Variants in DUS2 observed in about 807,000 individuals in gnomAD.
The protein encoded by DUS2 is tRNA-dihydrouridine(20) synthase [NAD(P)+]-like.
Under a neutral mutation model 71.3 loss-of-function variants are expected in DUS2, and 52 were observed. The observed-to-expected ratio is 0.73, with a 90% CI of 0.58 to 0.92. The LOEUF (loss-of-function observed/expected upper bound fraction) is 0.92. Among genes scored for constraint, DUS2 ranks in the 40% least tolerant of loss-of-function variants. The pLI is 0.00. For synonymous variants in DUS2, 204 were observed against 227.8 expected (o/e 0.90, Z 0.94); for missense variants, 558 against 622.6 (o/e 0.90, Z 1.10).
intron 2 of DUS2, among the ~76,000 whole-genome samples, chr16:68,027,860 G>C (rs76836953): frequency 0.13 from 19,357 of 151,532 alleles, 1,380 homozygotes; most frequent in South Asian, 0.19. Context: ...CCCCTGGGCA[G>C]GGACAGCTTG....
At chr16:68,046,184 C>A (rs1598305519) in intron 3 of DUS2, among the ~76,000 whole-genome samples, 1 of 152,204 alleles carries the variant, frequency 6.6e-6, no homozygotes, top group East Asian at 1.9e-4. Flanking sequence ...TCTTTTTTAG[C>A]CCTTGCCTCC....
At chr16:68,030,949 G>T (rs1338596758) in intron 2 of DUS2, among the ~76,000 whole-genome samples, 2 of 151,986 alleles carry the variant, frequency 1.3e-5, no homozygotes, top group Non-Finnish European at 2.9e-5. Flanking sequence ...TTGCTATGTT[G>T]CCCAGGCTGG....
In DUS2 at chr16:68,061,126, C is replaced by T. The variant is rs142644508; in HGVS notation, c.417+13C>T. The T allele has an allele frequency of 2.2e-5, 35 of 1,613,852 alleles. No individual in the cohort carries two copies. The highest frequency in any genetic ancestry group is 8.9e-5 in the East Asian group (4 of 44,880). On this transcript the variant is annotated intron_variant, in intron 8 of 16. Coordinates refer to ENST00000565263, the MANE Select transcript of DUS2 (RefSeq NM_017803.5). The stretch of plus-strand genomic sequence containing the variant: ...CAAGATTGAGAAGGTAAGTCCTCCA[C>T]GAGTGAAAGCAGGGGTCCTCAAACA...
Position 68,070,996 on chromosome 16 carries a change from C to T in DUS2, c.698C>T (p.Ala233Val), listed in dbSNP as rs1372896892. 5.0e-6 allele frequency: 8 copies of T among 1,614,216 alleles called. No homozygotes were observed. The South Asian group carries it at 5.5e-5, about 11-fold the overall frequency. Residue 233 changes from alanine (A) to valine (V), a missense_variant, in exon 12 of 17, where the codon GCC (alanine) becomes GTC (valine). By Grantham distance (64) the Ala-to-Val change is moderately conservative. Transcript: ENST00000565263. ...QYSDIEDFRQ[A>V]TAASSVMVAR... ...TCGGACATAGAGGACTTTCGACAAG[C>T]CACGGCAGCCTCTTCCGTGATGGTG...
At chr16:68,075,253 T>C in intron 13 of DUS2, 102 bp from the exon 14 acceptor site, 1 of 1,163,614 alleles carries the variant, frequency 8.6e-7, no homozygotes. Context: ...TTTTGGTGTA[T>C]GTGGTAGAGG....
At chr16:68,054,767 A>G (rs1171814521) in intron 6 of DUS2, 150 bp downstream of exon 6, 9 of 944,204 alleles carry the variant, frequency 9.5e-6, no homozygotes, top group Non-Finnish European at 1.3e-5. Flanking sequence ...GTTTCCAGCC[A>G]GGTGCGGTGG....
chr16:68,072,956 A>G (rs942219891), intron 12 of DUS2, among the ~76,000 whole-genome samples: 1 of 152,246 alleles, frequency 6.6e-6, no homozygotes, highest in Non-Finnish European at 1.5e-5. Flanking sequence ...CGTAGGGGGA[A>G]GTTAGAGGCT....
intron 12 of DUS2, among the ~76,000 whole-genome samples, chr16:68,073,696 G>A (rs1338511558): frequency 1.3e-5 from 2 of 152,070 alleles, no homozygotes; most frequent in African/African-American, 4.8e-5. Flanking sequence ...TGATCCGCCC[G>A]CCTTGGCCTC....
chr16:68,045,195 T>C (rs1567473290), intron 3 of DUS2, among the ~76,000 whole-genome samples: 1 of 152,346 alleles, frequency 6.6e-6, no homozygotes, highest in East Asian at 1.9e-4. Context: ...GTATTGATCT[T>C]GTGTCCTTGA....
chr16:68,038,388 G>T (rs762131338), intron 3 of DUS2, among the ~76,000 whole-genome samples: 15 of 152,126 alleles, frequency 9.9e-5, no homozygotes, highest in Non-Finnish European at 1.9e-4. Flanking sequence ...GGATAGATAA[G>T]TCGCCTGACA....
In DUS2 at chr16:68,027,396, A is replaced by C. The variant is rs549847533; in HGVS notation, c.-19+1902A>C. Among the ~76,000 whole-genome samples, 173 of 152,106 alleles carry C rather than the reference A, an allele frequency of 1.1e-3. 1 individual carries two copies. The highest frequency in any genetic ancestry group is 1.5e-3 in the Admixed American group (23 of 15,270). On this transcript the variant is annotated intron_variant, in intron 2 of 16. Coordinates refer to ENST00000565263, the MANE Select transcript of DUS2 (RefSeq NM_017803.5). Reference sequence around the variant, plus strand: ...TGGGATTACAGGCATGCGCCACCACACCCGGCTAATTTTGTATTTTTAGTA... The same window carrying C: ...TGGGATTACAGGCATGCGCCACCACCCCCGGCTAATTTTGTATTTTTAGTA...
At chr16:68,026,301 T>A (rs1328639493) in intron 2 of DUS2, among the ~76,000 whole-genome samples, 1 of 152,108 alleles carries the variant, frequency 6.6e-6, no homozygotes, top group African/African-American at 2.4e-5. Flanking sequence ...GAGAAATTGG[T>A]ATTTTTAGAA....
chr16:68,074,142 T>C lies in DUS2; in HGVS notation c.919T>C (p.Ser307Pro). The C allele has an allele frequency of 6.2e-7, 1 of 1,614,052 alleles. No individual in the cohort carries two copies. Among genetic ancestry groups the C allele is most frequent in the Admixed American group, 1.7e-5 (1 of 60,016 alleles). ...AAGGTTGCTCCATGCTGCCCAGTCTTCCCGGGAAATTTGGTAAGAGGCACA... is the reference window on the plus strand; with the variant it reads ...AAGGTTGCTCCATGCTGCCCAGTCTCCCCGGGAAATTTGGTAAGAGGCACA... ...QGRLLHAAQS[S>P]REICEAFGLG... The change falls in exon 13 of 17, where the codon TCC (serine) becomes CCC (proline). Residue 307 changes from serine to proline, a missense_variant. Physicochemically the swap from Ser to Pro is moderately conservative, Grantham distance 74. Coordinates refer to ENST00000565263, the MANE Select transcript of DUS2 (RefSeq NM_017803.5).
At chr16:68,044,453 T>A (rs1238177554) in intron 3 of DUS2, among the ~76,000 whole-genome samples, 1 of 151,170 alleles carries the variant, frequency 6.6e-6, no homozygotes, top group African/African-American at 2.4e-5. Context: ...TCAAGTACAG[T>A]GACATGATCT....
At chr16:68,075,232 C>T (rs1274909754) in intron 13 of DUS2, 123 bp from the exon 14 acceptor site, 5 of 908,806 alleles carry the variant, frequency 5.5e-6, no homozygotes, top group Non-Finnish European at 7.8e-6. Flanking sequence ...GATGGCCAGG[C>T]CCCGGTGGTG....
At chr16:68,054,526 G>A (rs1449661487) in intron 5 of DUS2, 48 bp from the exon 6 acceptor site, 1 of 1,608,540 alleles carries the variant, frequency 6.2e-7, no homozygotes, top group Non-Finnish European at 8.5e-7. Flanking sequence ...GTCAGTGCAT[G>A]TGTATCTGTG....
At chr16:68,023,428 C>T in intron 1 of DUS2, 77 bp downstream of exon 1, 1 of 582,806 alleles carries the variant, frequency 1.7e-6, no homozygotes, top group Non-Finnish European at 3.0e-6. Context: ...GGAGGCAGGA[C>T]TGGAGGCTGG....
At chr16:68,026,117 A>G (rs1567466871) in intron 2 of DUS2, among the ~76,000 whole-genome samples, 1 of 152,114 alleles carries the variant, frequency 6.6e-6, no homozygotes, top group Non-Finnish European at 1.5e-5. Flanking sequence ...CAGCCACCCC[A>G]GTAGGTGGGA....
intron 3 of DUS2, among the ~76,000 whole-genome samples, chr16:68,048,955 CTGTT>C (rs1165995838): frequency 6.6e-6 from 1 of 152,108 alleles, no homozygotes; most frequent in Non-Finnish European, 1.5e-5. Context: ...TTTCCTTAGT[CTGTT>C]TGAGTATCTC....
Sources: allele counts gnomAD v4.1 joint callset (sites outside exome capture counted in the v4.1 genomes callset), GRCh38; gene constraint gnomAD v4.1.1; transcripts MANE v1.5; gene names NCBI Gene and HGNC (gene_info 2026-07-23, HGNC 2026-07-21).